Variants in ARHGAP44 observed in about 807,000 individuals in gnomAD.
ARHGAP44 encodes the protein Rho GTPase activating protein 44, also known as rho GTPase-activating protein 44.
A neutral mutation model predicts 106.8 loss-of-function variants in ARHGAP44; 43 were observed. The observed-to-expected ratio is 0.40, with a 90% confidence interval of 0.32 to 0.52. ARHGAP44 has a LOEUF of 0.52. Ranked by LOEUF, ARHGAP44 falls within the 20% of genes least tolerant of loss-of-function variation. ARHGAP44 has a pLI of 0.48. For synonymous variants in ARHGAP44, 439 were observed against 410.3 expected, an observed-to-expected ratio of 1.07 and a Z score of -0.85; for missense variants, 866 against 1,050.5, an observed-to-expected ratio of 0.82 and a Z score of 2.43.
rs576919859 is a variant in ARHGAP44 at position 12,833,906 on chromosome 17, C to T, written c.53+44015C>T. ...TTGTGGAGACCAAGGTTTTATCATG[C>T]GGGTGAAACCTCCAGGGTAGCAGGC... On this transcript the variant is annotated intron_variant, in intron 1 of 20. Coordinates refer to ENST00000379672, the MANE Select transcript of ARHGAP44 (RefSeq NM_014859.6). Among the ~76,000 whole-genome samples, 8 of 150,676 alleles carry T rather than the reference C, an allele frequency of 5.3e-5. No homozygotes were observed. The South Asian group carries it at 6.3e-4, about 12-fold the overall frequency.
At chr17:12,838,844 G>T (rs1220764031) in intron 1 of ARHGAP44, among the ~76,000 whole-genome samples, 2 of 151,662 alleles carry the variant, frequency 1.3e-5, no homozygotes, top group African/African-American at 4.9e-5. Flanking sequence ...GCTAATTTTT[G>T]TGTGTGTATG....
intron 1 of ARHGAP44, among the ~76,000 whole-genome samples, chr17:12,888,549 C>T (rs1284706112): frequency 6.6e-6 from 1 of 152,078 alleles, no homozygotes; most frequent in African/African-American, 2.4e-5. Flanking sequence ...TGGAAAATAA[C>T]ATATATTCTG....
At chr17:12,962,144 G>C (rs937234999) in intron 16 of ARHGAP44, among the ~76,000 whole-genome samples, 4 of 151,944 alleles carry the variant, frequency 2.6e-5, no homozygotes, top group Admixed American at 6.6e-5. Flanking sequence ...AGAAAATTGA[G>C]GGGCAGAAAA....
chr17:12,801,041 C>T (rs1057293113), intron 1 of ARHGAP44, among the ~76,000 whole-genome samples: 1 of 152,152 alleles, frequency 6.6e-6, no homozygotes. Context: ...GATTCTTTCA[C>T]TTTGTTTTTT....
chr17:12,880,903 T>G (rs1214949140), intron 1 of ARHGAP44, among the ~76,000 whole-genome samples: 2 of 152,194 alleles, frequency 1.3e-5, no homozygotes, highest in Non-Finnish European at 2.9e-5. Flanking sequence ...CCAATTGGAA[T>G]TGTCAGACTT....
At position 12,956,645 on chromosome 17, in the gene ARHGAP44, C is replaced by T. The variant is rs745425783; in HGVS notation, c.1251-10C>T. 3.7e-6 allele frequency: 6 copies of T among 1,613,372 alleles called. No homozygotes were observed. In the East Asian group the frequency reaches 1.1e-4, roughly 30 times the overall value. ...ACTCCACCCTGTTTGCCTCTGCTCTCTGCTTACAGGAACATTACAGAGATG... is the reference window on the plus strand; with the variant it reads ...ACTCCACCCTGTTTGCCTCTGCTCTTTGCTTACAGGAACATTACAGAGATG... On this transcript the variant is annotated splice_polypyrimidine_tract_variant and intron_variant, in intron 14 of 20. Transcript: ENST00000379672.
chr17:12,831,221 C>T (rs556108783), intron 1 of ARHGAP44, among the ~76,000 whole-genome samples: 208 of 152,288 alleles, frequency 1.4e-3, no homozygotes, highest in African/African-American at 4.6e-3. Context: ...ACATCTTAAG[C>T]CTGCACAGCT....
intron 16 of ARHGAP44, 166 bp from the exon 17 acceptor site, chr17:12,973,136 C>A: frequency 1.5e-6 from 1 of 660,204 alleles, no homozygotes; most frequent in Non-Finnish European, 2.6e-6. Context: ...ATAGGAGAGT[C>A]ACTTTAGAGA....
At chr17:12,855,559 A>G (rs1266345678) in intron 1 of ARHGAP44, among the ~76,000 whole-genome samples, 1 of 150,138 alleles carries the variant, frequency 6.7e-6, no homozygotes, top group Non-Finnish European at 1.5e-5. Flanking sequence ...TTCATTTCCT[A>G]TTTATTTTTC....
At chr17:12,951,002 T>C (rs974092688) in intron 12 of ARHGAP44, among the ~76,000 whole-genome samples, 1 of 152,182 alleles carries the variant, frequency 6.6e-6, no homozygotes, top group African/African-American at 2.4e-5. Flanking sequence ...GGCTCAAATG[T>C]GTAGAGTGAG....
chr17:12,926,530 C>CAT (rs1567691301), intron 6 of ARHGAP44, among the ~76,000 whole-genome samples: 5 of 141,722 alleles, frequency 3.5e-5, no homozygotes, highest in African/African-American at 1.3e-4. Flanking sequence ...ATATATTATA[C>CAT]ATACATATAT....
intron 1 of ARHGAP44, chr17:12,790,456 AG>A (rs1220619173): frequency 3.9e-5 from 6 of 153,058 alleles, no homozygotes; most frequent in Non-Finnish European, 8.7e-5. Context: ...GTGGGGGGAA[AG>A]GGTGAGGGGT....
At chr17:12,919,640 C>A in intron 5 of ARHGAP44, 115 bp from the exon 6 acceptor site, 2 of 766,376 alleles carry the variant, frequency 2.6e-6, no homozygotes, top group Non-Finnish European at 4.0e-6. Context: ...CCTGCCTTGG[C>A]CTCCCAAAGT....
chr17:12,841,633 C>CAA (rs564355904), intron 1 of ARHGAP44, among the ~76,000 whole-genome samples: 3 of 102,778 alleles, frequency 2.9e-5, no homozygotes, highest in South Asian at 2.9e-4. Flanking sequence ...CACACACACA[C>CAA]ACACACAAAC....
chr17:12,803,782 A>C (rs2034191328), intron 1 of ARHGAP44, among the ~76,000 whole-genome samples: 1 of 151,998 alleles, frequency 6.6e-6, no homozygotes, highest in African/African-American at 2.4e-5. Flanking sequence ...GAAGAATGTA[A>C]TTTTCCTTTT....
At chr17:12,972,808 C>T (rs1191491083) in intron 16 of ARHGAP44, among the ~76,000 whole-genome samples, 1 of 151,454 alleles carries the variant, frequency 6.6e-6, no homozygotes, top group Non-Finnish European at 1.5e-5. Flanking sequence ...ACTACAGGTG[C>T]CTGCCACCAC....
chr17:12,895,273 C>T (rs1328260943), intron 2 of ARHGAP44, among the ~76,000 whole-genome samples: 1 of 152,172 alleles, frequency 6.6e-6, no homozygotes, highest in Non-Finnish European at 1.5e-5. Context: ...TACGACAGTA[C>T]TTTGCATGAT....
chr17:12,852,782 C>A (rs994983158), intron 1 of ARHGAP44, among the ~76,000 whole-genome samples: 1 of 152,048 alleles, frequency 6.6e-6, no homozygotes, highest in Non-Finnish European at 1.5e-5. Context: ...ACCTTGTGAT[C>A]CGCCCACCTC....
chr17:12,874,157 A>T (rs951627052), intron 1 of ARHGAP44, among the ~76,000 whole-genome samples: 2 of 152,098 alleles, frequency 1.3e-5, no homozygotes, highest in Non-Finnish European at 2.9e-5. Context: ...TTATGTCAGC[A>T]TTCAAAATAG....
Sources: allele counts gnomAD v4.1 joint callset (sites outside exome capture counted in the v4.1 genomes callset), GRCh38; gene constraint gnomAD v4.1.1; transcripts MANE v1.5; gene names NCBI Gene and HGNC (gene_info 2026-07-23, HGNC 2026-07-21).